DCDC2C: variants seen among roughly 807,000 people sequenced by gnomAD.
DCDC2C encodes the protein doublecortin domain containing 2C.
In DCDC2C, 44 loss-of-function variants were observed where a neutral mutation model predicts 45.0. The ratio of observed to expected loss-of-function variants is 0.98; its 90% CI spans 0.77 to 1.26. DCDC2C has a LOEUF of 1.26. DCDC2C is among the 50% of genes most tolerant of loss of function. DCDC2C has a pLI of 0.00. For missense variants in DCDC2C, 447 were observed against 468.9 expected, an observed-to-expected ratio of 0.95 and a Z score of 0.43; for synonymous variants, 187 against 178.8, an observed-to-expected ratio of 1.05 and a Z score of -0.37.
At chr2:3,727,998 C>G (rs1039777599) in intron 3 of DCDC2C, among the ~76,000 whole-genome samples, 3 of 152,194 alleles carry the variant, frequency 2.0e-5, no homozygotes, top group African/African-American at 7.2e-5. Flanking sequence ...ACATGGATAT[C>G]TTTCCATTTT....
chr2:3,767,734 C>A lies in DCDC2C; in HGVS notation c.727-20C>A. On this transcript the variant is annotated intron_variant, in intron 6 of 10. Coordinates refer to ENST00000399143, the MANE Select transcript of DCDC2C (RefSeq NM_001287444.2). The stretch of plus-strand genomic sequence containing the variant: ...TCCCACTGTTCTTAATGGACTTTCT[C>A]TTCTTCATTTGTCCTGTAGGTGGAC... 6.5e-7 allele frequency: 1 copy of A among 1,550,068 alleles called. No individual in the cohort carries two copies. The highest frequency in any genetic ancestry group is 1.2e-5 in the South Asian group (1 of 83,964).
intron 3 of DCDC2C, among the ~76,000 whole-genome samples, chr2:3,733,330 T>G (rs1282985146): frequency 1.3e-5 from 2 of 152,242 alleles, no homozygotes; most frequent in Non-Finnish European, 2.9e-5. Flanking sequence ...GTTCAAGCCA[T>G]TGTTTGTCCA....
intron 10 of DCDC2C, among the ~76,000 whole-genome samples, chr2:3,799,788 A>T (rs1424832022): frequency 6.6e-6 from 1 of 152,284 alleles, no homozygotes; most frequent in Non-Finnish European, 1.5e-5. Flanking sequence ...AGACAGGGAC[A>T]TTTAAGTCTG....
intron 10 of DCDC2C, among the ~76,000 whole-genome samples, chr2:3,827,758 A>G (rs1176316424): frequency 6.6e-6 from 1 of 152,180 alleles, no homozygotes; most frequent in Non-Finnish European, 1.5e-5. Context: ...TGGTTCCCCT[A>G]GATATTAAAA....
intron 8 of DCDC2C, among the ~76,000 whole-genome samples, chr2:3,770,281 C>T (rs946363977): frequency 3.3e-5 from 5 of 152,226 alleles, no homozygotes; most frequent in Admixed American, 2.0e-4. Context: ...TAACTGTAAA[C>T]CACCAAATCC....
Position 3,740,881 on chromosome 2 carries a change from G to T in DCDC2C, c.417-1039G>T, listed in dbSNP as rs191606032. ...TAAGTTATTTGCATTTAAGGAAGAA[G>T]ACAAAAAATGGCAGTAATAGTAAAT... On this transcript the variant is annotated intron_variant, in intron 3 of 10. Transcript: ENST00000399143. 5.2e-3 allele frequency among the ~76,000 whole-genome samples: 797 copies of T among 152,078 alleles called. 7 individuals are homozygous for T. Among genetic ancestry groups the T allele is most frequent in the African/African-American group, 0.018 (760 of 41,496 alleles).
At chr2:3,738,040 T>C (rs1374599544) in intron 3 of DCDC2C, among the ~76,000 whole-genome samples, 7 of 152,284 alleles carry the variant, frequency 4.6e-5, no homozygotes, top group African/African-American at 1.2e-4. Context: ...TTAAGAGATA[T>C]ACATTTAAAG....
chr2:3,711,141 A>G (rs1430139337), intron 2 of DCDC2C, among the ~76,000 whole-genome samples: 6 of 152,250 alleles, frequency 3.9e-5, no homozygotes, highest in African/African-American at 1.2e-4. Flanking sequence ...TCAAAAAACA[A>G]CAGATGCTGG....
At chr2:3,757,903 G>A (rs758417875) in intron 6 of DCDC2C, among the ~76,000 whole-genome samples, 2 of 152,172 alleles carry the variant, frequency 1.3e-5, no homozygotes, top group Non-Finnish European at 2.9e-5. Flanking sequence ...CTGCCCAATG[G>A]AGTCAGGAAG....
chr2:3,725,432 C>CTGGAGGGAGACGAG (rs1301355691), intron 2 of DCDC2C, among the ~76,000 whole-genome samples: 6 of 103,772 alleles, frequency 5.8e-5, no homozygotes, highest in Admixed American at 1.1e-4. Context: ...CAGGTGGATC[C>CTGGAGGGAGACGAG]CAGAGGAAGA....
At position 3,755,527 on chromosome 2, in the gene DCDC2C, G is replaced by A. The variant is rs111206510; in HGVS notation, c.726+893G>A. On this transcript the variant is annotated intron_variant, in intron 6 of 10. Coordinates refer to ENST00000399143, the MANE Select transcript of DCDC2C (RefSeq NM_001287444.2). ...TGTGTATGAATGCACATGCATGTGCGTATGTATGAATGTGTAGGGATGTAT... is the reference window on the plus strand; with the variant it reads ...TGTGTATGAATGCACATGCATGTGCATATGTATGAATGTGTAGGGATGTAT... 4.3e-3 allele frequency among the ~76,000 whole-genome samples: 658 copies of A among 152,134 alleles called. 5 individuals are homozygous for A. Among genetic ancestry groups the A allele is most frequent in the African/African-American group, 0.014 (594 of 41,488 alleles).
intron 2 of DCDC2C, among the ~76,000 whole-genome samples, chr2:3,719,140 C>T (rs911194862): frequency 1.3e-5 from 2 of 151,992 alleles, no homozygotes; most frequent in Admixed American, 1.3e-4. Flanking sequence ...GGCTGGAGTC[C>T]AGTGGTGCGA....
intron 10 of DCDC2C, among the ~76,000 whole-genome samples, chr2:3,844,014 T>G (rs1392191257): frequency 6.6e-6 from 1 of 152,196 alleles, no homozygotes; most frequent in Non-Finnish European, 1.5e-5. Context: ...TTCAGTTGAC[T>G]TAGGTGGCTA....
Position 3,747,147 on chromosome 2 carries a change from C to T in DCDC2C, c.545+5099C>T, listed in dbSNP as rs762036685. Among the ~76,000 whole-genome samples, 5 of 152,294 alleles carry T rather than the reference C, an allele frequency of 3.3e-5. No homozygotes were observed. The East Asian group carries it at 7.7e-4, about 24-fold the overall frequency. ...AATGCCAGGGCGGGACACACATGCACGCAGCACACAGCACACACATGTGTG... is the reference window on the plus strand; with the variant it reads ...AATGCCAGGGCGGGACACACATGCATGCAGCACACAGCACACACATGTGTG... On this transcript the variant is annotated intron_variant, in intron 4 of 10. Coordinates refer to ENST00000399143, the MANE Select transcript of DCDC2C (RefSeq NM_001287444.2).
Position 3,760,499 on chromosome 2 carries a change from TA to T in DCDC2C, c.726+5871del, listed in dbSNP as rs201090211. ...TACACCATGGGATACTGTGCAGCCA[TA>T]AAAAAGAATGAGTTTATGTTCTTTG... On this transcript the variant is annotated intron_variant, in intron 6 of 10. Transcript: ENST00000399143. 4.9e-4 allele frequency among the ~76,000 whole-genome samples: 75 copies of T among 152,200 alleles called. 1 individual carries two copies. The East Asian group carries it at 0.014, about 28-fold the overall frequency.
At chr2:3,780,688 A>G (rs1352886959) in intron 9 of DCDC2C, among the ~76,000 whole-genome samples, 2 of 152,220 alleles carry the variant, frequency 1.3e-5, no homozygotes, top group Non-Finnish European at 2.9e-5. Context: ...ACCGTGCACC[A>G]GGCACTGCGC....
chr2:3,732,067 T>A (rs939655538), intron 3 of DCDC2C, among the ~76,000 whole-genome samples: 3 of 152,094 alleles, frequency 2.0e-5, no homozygotes, highest in Admixed American at 6.5e-5. Flanking sequence ...GAGAGAGTGA[T>A]GACCGCACTA....
intron 10 of DCDC2C, among the ~76,000 whole-genome samples, chr2:3,837,533 G>C (rs1672111220): frequency 6.6e-6 from 1 of 152,154 alleles, no homozygotes; most frequent in Non-Finnish European, 1.5e-5. Flanking sequence ...TTCTGGGGGT[G>C]GGGGGCCCAT....
At chr2:3,821,949 T>TCC (rs147894450) in intron 10 of DCDC2C, among the ~76,000 whole-genome samples, 16,670 of 152,236 alleles carry the variant, frequency 0.11, 1,089 homozygotes, top group East Asian at 0.29. Flanking sequence ...AGAATATTTT[T>TCC]ATCACCCTAA....
Sources: allele counts gnomAD v4.1 joint callset (sites outside exome capture counted in the v4.1 genomes callset), GRCh38; gene constraint gnomAD v4.1.1; transcripts MANE v1.5; gene names NCBI Gene and HGNC (gene_info 2026-07-23, HGNC 2026-07-21).